Variants in KCNIP4 observed in about 807,000 individuals in gnomAD.
KCNIP4 encodes Kv channel-interacting protein 4.
In KCNIP4, 12 loss-of-function variants were observed where a neutral mutation model predicts 34.0. The ratio of observed to expected loss-of-function variants is 0.35; its 90% CI spans 0.23 to 0.57. The LOEUF (loss-of-function observed/expected upper bound fraction) is 0.57. Ranked by LOEUF, KCNIP4 falls within the 20% of genes least tolerant of loss-of-function variation. The pLI is 0.83. For synonymous variants in KCNIP4, 124 were observed against 102.2 expected (o/e 1.21, Z -1.29); for missense variants, 238 against 311.7 (o/e 0.76, Z 1.78).
At position 21,629,849 on chromosome 4, in the gene KCNIP4, C is replaced by CTTTTTTTTTTTTT. The variant is rs5856652; in HGVS notation, c.61+318709_61+318721dup. ...ACCATATTTCCTTTTCTTTTTCTTT[C>CTTTTTTTTTTTTT]TTTTTTTTTTTTTTTTTTTGAGACA... On this transcript the variant is annotated intron_variant, in intron 1 of 8. Transcript: ENST00000382152. Among the ~76,000 whole-genome samples the CTTTTTTTTTTTTT allele has an allele frequency of 4.6e-4, 40 of 87,786 alleles. 5 individuals carry two copies. The highest frequency in any genetic ancestry group is 2.1e-3 in the East Asian group (5 of 2,436). The allele number at this position is 87,786 out of a possible 152,430, so 57.6% of individuals were successfully genotyped here.
At chr4:21,257,178 T>G (rs1383745811) in intron 1 of KCNIP4, among the ~76,000 whole-genome samples, 1 of 152,120 alleles carries the variant, frequency 6.6e-6, no homozygotes, top group Non-Finnish European at 1.5e-5. Context: ...TGGGAAAGAC[T>G]AAAAAAGGCA....
chr4:21,337,933 C>T (rs1321648925), intron 1 of KCNIP4, among the ~76,000 whole-genome samples: 1 of 152,066 alleles, frequency 6.6e-6, no homozygotes, highest in Admixed American at 6.6e-5. Flanking sequence ...TCTTGTTTTT[C>T]TTATATCATA....
intron 1 of KCNIP4, among the ~76,000 whole-genome samples, chr4:21,052,179 C>T (rs562066097): frequency 5.5e-4 from 84 of 152,248 alleles, no homozygotes; most frequent in Admixed American, 5.2e-3. Flanking sequence ...TTAGATAAAT[C>T]GTCTTGCCAT....
intron 1 of KCNIP4, among the ~76,000 whole-genome samples, chr4:21,796,334 A>G (rs534220663): frequency 6.9e-4 from 105 of 152,196 alleles, no homozygotes; most frequent in African/African-American, 2.5e-3. Flanking sequence ...CCCTCCCTGT[A>G]AGTCCAAGCC....
At chr4:21,801,905 A>G (rs1292676406) in intron 1 of KCNIP4, among the ~76,000 whole-genome samples, 1 of 151,904 alleles carries the variant, frequency 6.6e-6, no homozygotes, top group Non-Finnish European at 1.5e-5. Flanking sequence ...GAAGTCATCA[A>G]GAAAAAAAAA....
intron 1 of KCNIP4, among the ~76,000 whole-genome samples, chr4:21,773,751 T>TG (rs1560704096): frequency 7.4e-4 from 82 of 110,504 alleles, no homozygotes; most frequent in Middle Eastern, 5.4e-3. Context: ...TGTTGTTTTT[T>TG]TTTTTTTGTT....
At chr4:21,832,715 T>C (rs1401242370) in intron 1 of KCNIP4, among the ~76,000 whole-genome samples, 1 of 144,944 alleles carries the variant, frequency 6.9e-6, no homozygotes, top group African/African-American at 2.6e-5. Context: ...GCATTAGGTA[T>C]ATCTCCCAAT....
chr4:21,744,945 C>T (rs1374681333), intron 1 of KCNIP4, among the ~76,000 whole-genome samples: 3 of 152,150 alleles, frequency 2.0e-5, no homozygotes, highest in Non-Finnish European at 4.4e-5. Context: ...ACTTGGGAGA[C>T]ATTCCAGAAT....
chr4:21,878,787 C>T (rs537008652), intron 1 of KCNIP4, among the ~76,000 whole-genome samples: 53 of 152,214 alleles, frequency 3.5e-4, no homozygotes, highest in African/African-American at 1.2e-3. Context: ...ATGTACTTCC[C>T]ACACCTTGTG....
chr4:21,230,006 T>G (rs1382885657), intron 1 of KCNIP4, among the ~76,000 whole-genome samples: 3 of 152,104 alleles, frequency 2.0e-5, no homozygotes, highest in African/African-American at 7.2e-5. Context: ...GTAATCTTAT[T>G]TGGAAATAGG....
At chr4:20,959,892 G>T (rs1260265834) in intron 1 of KCNIP4, among the ~76,000 whole-genome samples, 1 of 152,124 alleles carries the variant, frequency 6.6e-6, no homozygotes, top group Non-Finnish European at 1.5e-5. Context: ...CCACTTCTTT[G>T]AATTATTGTA....
At chr4:21,384,455 C>T (rs1295588839) in intron 1 of KCNIP4, among the ~76,000 whole-genome samples, 1 of 152,058 alleles carries the variant, frequency 6.6e-6, no homozygotes, top group Non-Finnish European at 1.5e-5. Flanking sequence ...TATAATCTAT[C>T]CTAAACATGA....
intron 1 of KCNIP4, among the ~76,000 whole-genome samples, chr4:21,317,322 TTAAC>T (rs1177551095): frequency 2.0e-5 from 3 of 152,296 alleles, no homozygotes; most frequent in East Asian, 1.9e-4. Context: ...ATCATTTTTA[TTAAC>T]TAATATGAAG....
intron 1 of KCNIP4, among the ~76,000 whole-genome samples, chr4:21,262,945 T>C (rs1479050618): frequency 1.3e-5 from 2 of 152,196 alleles, no homozygotes; most frequent in African/African-American, 4.8e-5. Flanking sequence ...TTGGACATAG[T>C]AGTTGCCTAA....
chr4:21,083,263 C>T (rs528365909), intron 1 of KCNIP4, among the ~76,000 whole-genome samples: 6 of 151,658 alleles, frequency 4.0e-5, no homozygotes, highest in Non-Finnish European at 8.8e-5. Flanking sequence ...CTCTCTCTTC[C>T]TCTCTCTTTT....
At chr4:21,071,371 A>G (rs1744902680) in intron 1 of KCNIP4, among the ~76,000 whole-genome samples, 1 of 152,106 alleles carries the variant, frequency 6.6e-6, no homozygotes, top group South Asian at 2.1e-4. Context: ...TTAAGTTGTT[A>G]CTGTTTCTGA....
At chr4:20,887,111 C>T (rs1725398340) in intron 1 of KCNIP4, among the ~76,000 whole-genome samples, 1 of 151,668 alleles carries the variant, frequency 6.6e-6, no homozygotes, top group African/African-American at 2.4e-5. Flanking sequence ...AAAGAAAATT[C>T]TAAAAGGAAA....
chr4:21,489,632 G>A (rs1732206982), intron 1 of KCNIP4, among the ~76,000 whole-genome samples: 1 of 152,056 alleles, frequency 6.6e-6, no homozygotes, highest in African/African-American at 2.4e-5. Context: ...TCTGCCTGAT[G>A]CATCAATAAT....
rs1412379624 is a variant in KCNIP4, at chr4:21,159,450, C to G, written c.62-276741G>C. On this transcript the variant is annotated intron_variant, in intron 1 of 8. Coordinates refer to ENST00000382152, the MANE Select transcript of KCNIP4 (RefSeq NM_025221.6). ...TCCGGTCTACAGCTCCCAGCGTGAG[C>G]GACGCAGAAGACGGTGATTTCTGCA... Among the ~76,000 whole-genome samples the G allele has an allele frequency of 1.5e-4, 3 of 20,186 alleles. 1 individual carries two copies. Among genetic ancestry groups the G allele is most frequent in the Non-Finnish European group, 3.0e-4 (3 of 9,870 alleles). The allele number at this position is 20,186 out of a possible 152,430, so 13.2% of individuals were successfully genotyped here. A position where few individuals can be genotyped will look rare whatever the true frequency, so the allele number is the denominator to read the frequency against.
Sources: gnomAD v4.1 joint callset for allele counts (sites outside exome capture counted in the v4.1 genomes callset) on GRCh38, gnomAD v4.1.1 for gene constraint, MANE v1.5 for transcripts, NCBI Gene and HGNC (gene_info 2026-07-23, HGNC 2026-07-21) for gene names.